Variants in SH3BGRL2 observed in about 807,000 individuals in gnomAD.
SH3BGRL2 encodes SH3 domain-binding glutamic acid-rich-like protein 2.
In SH3BGRL2, 21 loss-of-function variants were observed where a neutral mutation model predicts 14.8. The observed-to-expected ratio is 1.42, with a 90% confidence interval of 1.01 to 2.05. The LOEUF is 2.05. SH3BGRL2 is among the 30% of genes most tolerant of loss of function. The pLI, the probability that SH3BGRL2 is intolerant of heterozygous loss-of-function variation, is 0.00. For missense variants in SH3BGRL2, 147 were observed against 130.8 expected, an observed-to-expected ratio of 1.12 and a Z score of -0.61; for synonymous variants, 50 against 47.8, an observed-to-expected ratio of 1.05 and a Z score of -0.19.
chr6:79,687,513 A>G (rs1282363696), intron 2 of SH3BGRL2, among the ~76,000 whole-genome samples: 2 of 152,214 alleles, frequency 1.3e-5, no homozygotes, highest in Non-Finnish European at 2.9e-5. Flanking sequence ...AATTGCCAAA[A>G]TGAAGCTGTT....
At chr6:79,568,111 T>A in the SH3BGRL2 span, among the ~76,000 whole-genome samples, 2 of 152,188 alleles carry the variant, frequency 1.3e-5, no homozygotes, top group African/African-American at 4.8e-5. Flanking sequence ...CTGCTAATAC[T>A]GCTAATGAGG....
chr6:79,563,724 A>T, the SH3BGRL2 span, among the ~76,000 whole-genome samples: 1 of 152,188 alleles, frequency 6.6e-6, no homozygotes, highest in Non-Finnish European at 1.5e-5. Flanking sequence ...CAGCTGCATG[A>T]GTGAGTCTAG....
At chr6:79,538,281 A>C in the SH3BGRL2 span, among the ~76,000 whole-genome samples, 2 of 151,990 alleles carry the variant, frequency 1.3e-5, no homozygotes, top group Non-Finnish European at 2.9e-5. Flanking sequence ...CATTCTGTAG[A>C]GAATCTAATA....
the SH3BGRL2 span, among the ~76,000 whole-genome samples, chr6:79,600,445 G>C: frequency 2.0e-5 from 3 of 152,164 alleles, no homozygotes; most frequent in Non-Finnish European, 4.4e-5. Flanking sequence ...CTTGGCAGTT[G>C]AGTGTTTTCC....
At chr6:79,672,028 G>A (rs1769784935) in intron 1 of SH3BGRL2, among the ~76,000 whole-genome samples, 1 of 151,936 alleles carries the variant, frequency 6.6e-6, no homozygotes, top group Non-Finnish European at 1.5e-5. Flanking sequence ...TTAATCATCT[G>A]CCCTTTCTTA....
chr6:79,602,984 G>A, the SH3BGRL2 span, among the ~76,000 whole-genome samples: 4 of 152,076 alleles, frequency 2.6e-5, no homozygotes, highest in African/African-American at 9.7e-5. Context: ...AATGGGAGAG[G>A]GAGAAGGGTG....
the SH3BGRL2 span, among the ~76,000 whole-genome samples, chr6:79,595,775 T>C: frequency 0.99 from 150,619 of 152,304 alleles, 74,500 homozygotes; most frequent in East Asian, 1. Flanking sequence ...AAAAGAATGT[T>C]GGTTTTTGCT....
chr6:79,604,221 A>C, the SH3BGRL2 span, among the ~76,000 whole-genome samples: 4 of 152,180 alleles, frequency 2.6e-5, no homozygotes, highest in Non-Finnish European at 1.5e-5. Flanking sequence ...AGGCACCTCA[A>C]AATCCACATG....
At position 79,635,943 on chromosome 6, in the gene SH3BGRL2, A is replaced by G. The variant is rs1266808643; in HGVS notation, c.45+4437A>G. On this transcript the variant is annotated intron_variant, in intron 1 of 3. Transcript: ENST00000369838. ...TGTATTCAGTGAGGCTTCCCTGTGT[A>G]AGGACACCTCAGAAAAGATTTCTAC... Among the ~76,000 whole-genome samples the G allele has an allele frequency of 2.0e-5, 3 of 152,200 alleles. No homozygotes were observed. The East Asian group carries it at 5.8e-4, about 29-fold the overall frequency.
At chr6:79,683,772 C>T (rs1770040345) in intron 2 of SH3BGRL2, among the ~76,000 whole-genome samples, 1 of 152,178 alleles carries the variant, frequency 6.6e-6, no homozygotes, top group African/African-American at 2.4e-5. Context: ...AGCTCACAGT[C>T]CCTTCCGTAG....
chr6:79,579,424 A>G, the SH3BGRL2 span, among the ~76,000 whole-genome samples: 2 of 152,220 alleles, frequency 1.3e-5, no homozygotes, highest in Non-Finnish European at 2.9e-5. Context: ...CCACAAAGGG[A>G]AGCCTATCAA....
chr6:79,652,673 T>C (rs1456979608), intron 1 of SH3BGRL2, among the ~76,000 whole-genome samples: 2 of 151,738 alleles, frequency 1.3e-5, no homozygotes, highest in African/African-American at 4.8e-5. Context: ...AAAACCTCCA[T>C]GCAGAGGAGA....
chr6:79,670,265 T>G (rs543829024), intron 1 of SH3BGRL2, among the ~76,000 whole-genome samples: 2 of 152,376 alleles, frequency 1.3e-5, no homozygotes, highest in South Asian at 4.1e-4. Flanking sequence ...GGGCTGGATT[T>G]GGGCCTTGGG....
the SH3BGRL2 span, among the ~76,000 whole-genome samples, chr6:79,539,127 C>G: frequency 2.6e-5 from 4 of 152,114 alleles, no homozygotes; most frequent in African/African-American, 9.7e-5. Flanking sequence ...TTCACCCCCT[C>G]ATATTCAAAA....
At chr6:79,626,726 A>C (rs905700691), upstream of SH3BGRL2, among the ~76,000 whole-genome samples, 1 of 152,174 alleles carries the variant, frequency 6.6e-6, no homozygotes, top group African/African-American at 2.4e-5. Flanking sequence ...TCAAGCCAAC[A>C]TGCAAAAACC....
chr6:79,565,037 A>G, the SH3BGRL2 span, among the ~76,000 whole-genome samples: 1 of 152,170 alleles, frequency 6.6e-6, no homozygotes, highest in South Asian at 2.1e-4. Context: ...TATCAAACCT[A>G]CTTAGGAAGG....
At chr6:79,656,025 A>C (rs1007562658) in intron 1 of SH3BGRL2, among the ~76,000 whole-genome samples, 1 of 152,298 alleles carries the variant, frequency 6.6e-6, no homozygotes, top group East Asian at 1.9e-4. Flanking sequence ...TCTTCATCTT[A>C]AGGATAATGA....
chr6:79,693,163 A>G (rs1348223583), intron 2 of SH3BGRL2, among the ~76,000 whole-genome samples: 3 of 151,996 alleles, frequency 2.0e-5, no homozygotes, highest in Non-Finnish European at 1.5e-5. Flanking sequence ...CTGTTTGTCT[A>G]TTATTGGCGT....
chr6:79,630,307 T>C (rs976386104), upstream of SH3BGRL2, among the ~76,000 whole-genome samples: 40 of 152,218 alleles, frequency 2.6e-4, no homozygotes, highest in African/African-American at 8.4e-4. Flanking sequence ...ATCTAATTTC[T>C]TACTTTTTCT....
Sources: allele counts gnomAD v4.1 joint callset (sites outside exome capture counted in the v4.1 genomes callset), GRCh38; gene constraint gnomAD v4.1.1; transcripts MANE v1.5; gene names NCBI Gene and HGNC (gene_info 2026-07-23, HGNC 2026-07-21).